Variants in PID1 observed in about 807,000 individuals in gnomAD.
The protein encoded by PID1 is phosphotyrosine interaction domain containing 1, also known as PTB-containing, cubilin and LRP1-interacting protein.
PID1 carries 10 observed loss-of-function variants against 19.1 expected under a neutral mutation model. That is an observed-to-expected ratio of 0.52 (90% CI 0.32 to 0.89). PID1 has a LOEUF of 0.89. Among genes scored for constraint, PID1 ranks in the 40% least tolerant of loss-of-function variants. The probability of loss-of-function intolerance (pLI) is 0.03; values close to 1 mark genes in which losing one functional copy is unlikely to be tolerated. For missense variants in PID1, 248 were observed against 285.3 expected, an observed-to-expected ratio of 0.87 and a Z score of 0.94; for synonymous variants, 130 against 116.0, an observed-to-expected ratio of 1.12 and a Z score of -0.78.
chr2:229,255,772 G>A (rs1245604570), intron 1 of PID1, among the ~76,000 whole-genome samples: 1 of 152,160 alleles, frequency 6.6e-6, no homozygotes, highest in Non-Finnish European at 1.5e-5. Flanking sequence ...ACCCCTCCCA[G>A]ATGCTCTGGA....
intron 1 of PID1, among the ~76,000 whole-genome samples, chr2:229,177,753 C>G (rs1163885353): frequency 1.3e-5 from 2 of 152,188 alleles, no homozygotes; most frequent in Admixed American, 6.5e-5. Flanking sequence ...TCATCATCAT[C>G]ATTGTCAGTC....
chr2:229,228,684 G>C (rs1692135342), intron 1 of PID1, among the ~76,000 whole-genome samples: 1 of 151,992 alleles, frequency 6.6e-6, no homozygotes, highest in Non-Finnish European at 1.5e-5. Flanking sequence ...TAAACATCCA[G>C]AAACATATGT....
rs1453635576 is a variant in PID1 at position 229,257,912 on chromosome 2, C to T, written c.30+13102G>A. On this transcript the variant is annotated intron_variant, in intron 1 of 2. Coordinates refer to ENST00000392055, the MANE Select transcript of PID1 (RefSeq NM_001100818.2). Reference sequence around the variant, plus strand: ...CGTCTGCTACACACATTACTTTAATCCACAAACTAGAATCAAGACCCACTA... The same window carrying T: ...CGTCTGCTACACACATTACTTTAATTCACAAACTAGAATCAAGACCCACTA... Among the ~76,000 whole-genome samples the T allele has an allele frequency of 2.0e-5, 3 of 152,348 alleles. No individual in the cohort carries two copies. The East Asian group carries it at 5.8e-4, about 29-fold the overall frequency.
chr2:229,152,121 G>A (rs528846007), intron 2 of PID1, among the ~76,000 whole-genome samples: 42 of 152,260 alleles, frequency 2.8e-4, no homozygotes, highest in African/African-American at 9.4e-4. Flanking sequence ...CCCAGGGTAC[G>A]GGTCTGTTCA....
intron 2 of PID1, among the ~76,000 whole-genome samples, chr2:229,057,447 C>T (rs1240557232): frequency 7.1e-6 from 1 of 141,066 alleles, no homozygotes; most frequent in East Asian, 2.0e-4. Flanking sequence ...CAGGGCCAAA[C>T]TCTGTCTAAA....
chr2:229,242,326 T>A (rs1476034057), intron 1 of PID1, among the ~76,000 whole-genome samples: 1 of 152,172 alleles, frequency 6.6e-6, no homozygotes, highest in Non-Finnish European at 1.5e-5. Flanking sequence ...CTCAGCTCAC[T>A]CCATATAATA....
intron 2 of PID1, among the ~76,000 whole-genome samples, chr2:229,094,216 C>T (rs1694930590): frequency 6.6e-6 from 1 of 151,914 alleles, no homozygotes; most frequent in African/African-American, 2.4e-5. Context: ...AATAAAATAC[C>T]TAGGAATACA....
intron 1 of PID1, among the ~76,000 whole-genome samples, chr2:229,211,765 A>T (rs1051129025): frequency 6.6e-6 from 1 of 152,244 alleles, no homozygotes; most frequent in Non-Finnish European, 1.5e-5. Flanking sequence ...TTGTCAGAAA[A>T]GAAAGTTTCT....
At chr2:229,183,160 G>C (rs1690982921) in intron 1 of PID1, among the ~76,000 whole-genome samples, 2 of 152,172 alleles carry the variant, frequency 1.3e-5, no homozygotes. Context: ...TGAACACAGA[G>C]ACGCATGGGA....
chr2:229,079,490 C>T (rs1413938509), intron 2 of PID1, among the ~76,000 whole-genome samples: 1 of 152,192 alleles, frequency 6.6e-6, no homozygotes, highest in African/African-American at 2.4e-5. Context: ...AGCTGCTATA[C>T]TATCTGTCTT....
At chr2:229,212,658 C>G (rs960220753) in intron 1 of PID1, among the ~76,000 whole-genome samples, 1 of 152,154 alleles carries the variant, frequency 6.6e-6, no homozygotes, top group Non-Finnish European at 1.5e-5. Context: ...TTGTGCTTAT[C>G]CCTGCTATCT....
intron 2 of PID1, among the ~76,000 whole-genome samples, chr2:229,036,434 A>G (rs1224341838): frequency 1.3e-5 from 2 of 152,154 alleles, no homozygotes; most frequent in African/African-American, 4.8e-5. Context: ...CTTTTGGCAG[A>G]TCTACTTCAC....
rs139308266 is a variant in PID1 at position 229,174,564 on chromosome 2, C to G, written c.31-18600G>C. The stretch of plus-strand genomic sequence containing the variant: ...CAAGTATTTTTTACATTATCACCCC[C>G]CAATGGGCCTTTTTAGACTGTCCCC... On this transcript the variant is annotated intron_variant, in intron 1 of 2. Coordinates refer to ENST00000392055, the MANE Select transcript of PID1 (RefSeq NM_001100818.2). Among the ~76,000 whole-genome samples, 12 of 152,080 alleles carry G rather than the reference C, an allele frequency of 7.9e-5. No homozygotes were observed. In the East Asian group the frequency reaches 1.6e-3, roughly 20 times the overall value.
chr2:229,192,053 GT>G (rs1266491153), intron 1 of PID1, among the ~76,000 whole-genome samples: 1 of 151,742 alleles, frequency 6.6e-6, no homozygotes, highest in Non-Finnish European at 1.5e-5. Context: ...CACTATATAA[GT>G]ATAAAGGGAA....
chr2:229,109,026 T>C (rs1243912544), intron 2 of PID1, among the ~76,000 whole-genome samples: 1 of 152,184 alleles, frequency 6.6e-6, no homozygotes, highest in East Asian at 1.9e-4. Context: ...TTGGGTCATA[T>C]CACATGGTTA....
At chr2:229,129,332 T>C (rs984477683) in intron 2 of PID1, among the ~76,000 whole-genome samples, 4 of 149,780 alleles carry the variant, frequency 2.7e-5, no homozygotes, top group South Asian at 2.1e-4. Flanking sequence ...GAGAATGGCA[T>C]GAACCCGGGA....
chr2:229,245,971 T>C (rs1003276496), intron 1 of PID1, among the ~76,000 whole-genome samples: 1 of 152,204 alleles, frequency 6.6e-6, no homozygotes, highest in African/African-American at 2.4e-5. Context: ...TTTCGTGCTC[T>C]GTTTGTTTCA....
rs1692215991 is a variant in PID1 at position 229,231,870 on chromosome 2, A to C, written c.30+39144T>G. 4 of 1,548,356 alleles carry C rather than the reference A, an allele frequency of 2.6e-6. No homozygotes were observed. The South Asian group carries it at 4.8e-5, about 18-fold the overall frequency. ...GTCTTAATCTGTTTGTGCTGCTATA[A>C]CGAAATACCACAGAGTAGATAATTT... is the stretch of plus-strand genomic sequence containing the variant. On this transcript the variant is annotated intron_variant, in intron 1 of 2. Coordinates refer to ENST00000392055, the MANE Select transcript of PID1 (RefSeq NM_001100818.2).
chr2:229,059,533 A>C (rs1018426542), intron 2 of PID1, among the ~76,000 whole-genome samples: 1 of 152,202 alleles, frequency 6.6e-6, no homozygotes, highest in African/African-American at 2.4e-5. Context: ...GTCCAGTTCC[A>C]CAGTCTAAGG....
Sources: allele counts gnomAD v4.1 joint callset (sites outside exome capture counted in the v4.1 genomes callset), GRCh38; gene constraint gnomAD v4.1.1; transcripts MANE v1.5; gene names NCBI Gene and HGNC (gene_info 2026-07-23, HGNC 2026-07-21).